The following METTL9 variants were observed in gnomAD, a reference collection of about 807,000 sequenced individuals.
METTL9 encodes protein-L-histidine N-pros-methyltransferase.
In METTL9, 10 loss-of-function variants were observed where a neutral mutation model predicts 36.0. The observed-to-expected ratio is 0.28, with a 90% CI of 0.17 to 0.47. The LOEUF is 0.47. Ranked by LOEUF, METTL9 falls within the 20% of genes least tolerant of loss-of-function variation. The pLI, the probability that METTL9 is intolerant of heterozygous loss-of-function variation, is 0.99. For missense variants in METTL9, 246 were observed against 383.5 expected (o/e 0.64, Z 3.00); for synonymous variants, 175 against 149.7 (o/e 1.17, Z -1.23).
chr16:21,642,528 A>G (rs999764197), intron 4 of METTL9: 6 of 152,256 alleles, frequency 3.9e-5, no homozygotes, highest in African/African-American at 1.4e-4. Flanking sequence ...TGTTTGAAGA[A>G]CCTGTTTATA....
intron 4 of METTL9, among the ~76,000 whole-genome samples, chr16:21,650,995 G>A (rs1436579675): frequency 2.6e-5 from 4 of 152,172 alleles, no homozygotes; most frequent in South Asian, 2.1e-4. Flanking sequence ...AGGCCGAGGC[G>A]GGCGGATCAC....
In METTL9 at chr16:21,612,956, TC is replaced by T. The variant is rs1367498643; in HGVS notation, c.356+122del. 3 of 877,310 alleles carry T rather than the reference TC, an allele frequency of 3.4e-6. No individual in the cohort carries two copies. The African/African-American group carries it at 5.2e-5, about 15-fold the overall frequency. The allele number at this position is 877,310 out of a possible 1,614,324, so 54.3% of individuals were successfully genotyped here. On this transcript the variant is annotated intron_variant, in intron 2 of 4. Transcript: ENST00000358154. ...ACCTGAGCTACAATACTTCTACTAG[TC>T]AGAACCTTGGCAGTTGGTCCAGCGT...
rs751161615 is a variant in METTL9 at position 21,599,747 on chromosome 16, C to A, written c.14C>A (p.Ala5Glu). 1.3e-6 allele frequency: 2 copies of A among 1,523,348 alleles called. No individual in the cohort carries two copies. Among genetic ancestry groups the A allele is most frequent in the East Asian group, 2.8e-5 (1 of 36,248 alleles). 94.4% of individuals were successfully genotyped at this position (1,523,348 alleles called of 1,614,324 possible). MRLL[A>E]GWLCLSLASV... ...CCGCGGCCCCCGATGAGACTGCTGG[C>A]GGGCTGGCTGTGCCTGAGCCTGGCG... Residue 5 changes from alanine (A) to glutamate (E), a missense_variant, in exon 1 of 5, where the codon GCG (alanine) becomes GAG (glutamate). Physicochemically the swap from Ala to Glu is moderately radical, Grantham distance 107 (BLOSUM62 -1). Coordinates refer to ENST00000358154, the MANE Select transcript of METTL9 (RefSeq NM_016025.5). The surrounding 1 kb of genome is among the most constrained non-coding windows in gnomAD (Gnocchi z 4.4).
intron 3 of METTL9, among the ~76,000 whole-genome samples, chr16:21,620,599 T>C (rs940003664): frequency 2.0e-5 from 3 of 152,138 alleles, no homozygotes; most frequent in African/African-American, 7.2e-5. Flanking sequence ...ATATCTGGAG[T>C]GTACATGGTA....
At chr16:21,653,132 C>T (rs1487518032) in intron 4 of METTL9, 1 of 152,176 alleles carries the variant, frequency 6.6e-6, no homozygotes, top group Non-Finnish European at 1.5e-5. Context: ...CACCTGCCTT[C>T]CCCCCTTTTT....
intron 3 of METTL9, among the ~76,000 whole-genome samples, chr16:21,620,205 G>A (rs991156137): frequency 6.6e-6 from 1 of 152,252 alleles, no homozygotes; most frequent in East Asian, 1.9e-4. Context: ...ATTGCTGTTA[G>A]GGTTGTTATA....
rs1966443602 is a variant in METTL9, at chr16:21,646,914, A to G, written c.752-8313A>G. 3 of 568,326 alleles carry G rather than the reference A, an allele frequency of 5.3e-6. No individual in the cohort carries two copies. The South Asian group carries it at 5.5e-5, about 10-fold the overall frequency. The allele number at this position is 568,326 out of a possible 1,614,324, so 35.2% of individuals were successfully genotyped here. A position where few individuals can be genotyped will look rare whatever the true frequency, so the allele number is the denominator to read the frequency against. ...CAAGTGATTCGTCCACCTCAGCCTC[A>G]AAGTGCTGGGATTACAGGTGTGAGC... On this transcript the variant is annotated intron_variant, in intron 4 of 4. Transcript: ENST00000358154.
chr16:21,641,890 A>G (rs1966281814), intron 4 of METTL9, among the ~76,000 whole-genome samples: 1 of 152,122 alleles, frequency 6.6e-6, no homozygotes, highest in Non-Finnish European at 1.5e-5. Context: ...TGTTGAAAAC[A>G]TGTCCCAGCC....
At chr16:21,634,560 T>C (rs1966039495) in intron 4 of METTL9, among the ~76,000 whole-genome samples, 1 of 152,214 alleles carries the variant, frequency 6.6e-6, no homozygotes, top group Non-Finnish European at 1.5e-5. Flanking sequence ...AGGCTATGAC[T>C]AAGGCTGTGG....
At chr16:21,647,198 G>C (rs762179953) in intron 4 of METTL9, 1 of 1,613,588 alleles carries the variant, frequency 6.2e-7, no homozygotes, top group South Asian at 1.1e-5. Context: ...ACTGGGGAAT[G>C]CTATTCCACA....
chr16:21,617,540 C>T (rs979734059), intron 2 of METTL9, among the ~76,000 whole-genome samples: 1 of 151,048 alleles, frequency 6.6e-6, no homozygotes, highest in Non-Finnish European at 1.5e-5. Context: ...CCAACCTGGC[C>T]GACATGGTGA....
At chr16:21,622,720 G>C (rs1368165079) in intron 3 of METTL9, among the ~76,000 whole-genome samples, 1 of 152,108 alleles carries the variant, frequency 6.6e-6, no homozygotes, top group East Asian at 1.9e-4. Flanking sequence ...AGATTTAACT[G>C]TCTTAGTGTT....
intron 4 of METTL9, among the ~76,000 whole-genome samples, chr16:21,636,702 G>A (rs550224413): frequency 3.9e-5 from 6 of 152,140 alleles, no homozygotes; most frequent in African/African-American, 9.7e-5. Context: ...GCCAACCACC[G>A]CTCCCAACTC....
At chr16:21,645,676 A>T (rs1966403521) in intron 4 of METTL9, among the ~76,000 whole-genome samples, 1 of 152,202 alleles carries the variant, frequency 6.6e-6, no homozygotes, top group African/African-American at 2.4e-5. Flanking sequence ...ACTTTATATA[A>T]GCCTTGCAGC....
intron 4 of METTL9, chr16:21,643,452 A>T: frequency 1.3e-6 from 1 of 791,770 alleles, no homozygotes; most frequent in Non-Finnish European, 2.0e-6. Context: ...GTTTAAACTT[A>T]ACATTTAAAT....
Position 21,655,606 on chromosome 16 carries a change from G to T in METTL9, c.*174G>T. 1 of 588,876 alleles carries T rather than the reference G, an allele frequency of 1.7e-6. No homozygotes were observed. Among genetic ancestry groups the T allele is most frequent in the Non-Finnish European group, 2.9e-6 (1 of 349,006 alleles). 36.5% of individuals were successfully genotyped at this position (588,876 alleles called of 1,614,324 possible). On this transcript the variant is annotated 3_prime_UTR_variant, in exon 5 of 5. Transcript: ENST00000358154. The stretch of plus-strand genomic sequence containing the variant: ...ATTTCTTTGTAGTGTGTAAAGGAAT[G>T]TTTTTAAAAGACAAAAACCCAACTC...
At chr16:21,614,539 G>A (rs545722415) in intron 2 of METTL9, among the ~76,000 whole-genome samples, 16 of 152,102 alleles carry the variant, frequency 1.1e-4, no homozygotes, top group Non-Finnish European at 1.8e-4. Context: ...TACCCACCCT[G>A]CTTTCAGTCC....
intron 3 of METTL9, among the ~76,000 whole-genome samples, chr16:21,621,538 G>C (rs1373305708): frequency 6.6e-6 from 1 of 151,890 alleles, no homozygotes; most frequent in African/African-American, 2.4e-5. Flanking sequence ...TGTTGCCCAG[G>C]CTGGTCTCGA....
intron 1 of METTL9, among the ~76,000 whole-genome samples, chr16:21,610,350 A>C (rs1965398619): frequency 6.6e-6 from 1 of 152,242 alleles, no homozygotes. Flanking sequence ...ATGGCAGAAC[A>C]TGCTATTATT....
Sources: allele counts gnomAD v4.1 joint callset (sites outside exome capture counted in the v4.1 genomes callset), GRCh38; gene constraint gnomAD v4.1.1; non-coding constraint Gnocchi (gnomAD v3.1); transcripts MANE v1.5; gene names NCBI Gene and HGNC (gene_info 2026-07-23, HGNC 2026-07-21).